UNC13B: variants seen among roughly 807,000 people sequenced by gnomAD.
UNC13B encodes the protein protein unc-13 homolog B.
In UNC13B, 144 loss-of-function variants were observed where a neutral mutation model predicts 211.0. The ratio of observed to expected loss-of-function variants is 0.68; its 90% CI spans 0.60 to 0.78. The LOEUF is 0.78. Among genes scored for constraint, UNC13B ranks in the 30% least tolerant of loss-of-function variants. UNC13B has a pLI of 0.00. For synonymous variants in UNC13B, 709 were observed against 725.8 expected (o/e 0.98, Z 0.37); for missense variants, 1,777 against 2,002.0 (o/e 0.89, Z 2.14).
At chr9:35,342,175 A>G (rs1832042503) in intron 11 of UNC13B, 17 of 985,544 alleles carry the variant, frequency 1.7e-5, no homozygotes, top group Non-Finnish European at 2.0e-5. Context: ...TTGGGCAAGC[A>G]GTGGTGCTTT....
At chr9:35,381,279 G>A (rs1241304614) in intron 19 of UNC13B, 64 bp downstream of exon 19, 33 of 1,420,198 alleles carry the variant, frequency 2.3e-5, no homozygotes, top group Non-Finnish European at 3.1e-5. Flanking sequence ...TTGGCCATAA[G>A]TAGGATTGCT....
intron 7 of UNC13B, among the ~76,000 whole-genome samples, chr9:35,262,239 T>G (rs1411757461): frequency 6.6e-6 from 1 of 151,984 alleles, no homozygotes; most frequent in Non-Finnish European, 1.5e-5. Context: ...TCTCTCTCCT[T>G]CCTTCTTTCC....
chr9:35,191,396 A>C (rs7021856), intron 1 of UNC13B, among the ~76,000 whole-genome samples: 22,178 of 152,194 alleles, frequency 0.15, 1,885 homozygotes, highest in Admixed American at 0.25. Flanking sequence ...CACTGGGCAT[A>C]GGCTGAACCA....
chr9:35,375,133 G>T lies in UNC13B; in HGVS notation c.9547G>T (p.Val3183Phe), dbSNP rs1834312872. Residue 3183 changes from valine to phenylalanine, a missense_variant, in exon 14 of 40, where the codon GTC becomes TTC. By Grantham distance (50) the Val-to-Phe change is conservative (BLOSUM62 -1). Transcript: ENST00000635942. ...AGCAGATCTTCCCTGACAGTCACTG[G>T]TCCAGTCTCGGAAGGCAGGAATCAC... is the stretch of plus-strand genomic sequence containing the variant. ...PLPLVSDLSL[V>F]QSRKAGITSA... The T allele has an allele frequency of 1.2e-6, 2 of 1,614,028 alleles. No homozygotes were observed. The highest frequency in any genetic ancestry group is 2.7e-5 in the African/African-American group (2 of 74,932).
At chr9:35,236,119 G>C (rs1825493664) in intron 3 of UNC13B, among the ~76,000 whole-genome samples, 1 of 152,002 alleles carries the variant, frequency 6.6e-6, no homozygotes, top group South Asian at 2.1e-4. Flanking sequence ...ACCTCTAAAA[G>C]TTTACTTGTG....
chr9:35,323,980 A>G (rs1205104457), intron 11 of UNC13B, among the ~76,000 whole-genome samples: 2 of 152,218 alleles, frequency 1.3e-5, no homozygotes, highest in Non-Finnish European at 1.5e-5. Flanking sequence ...ACATTTATTG[A>G]ATACTACTAT....
chr9:35,325,361 A>G (rs371001499), intron 11 of UNC13B, among the ~76,000 whole-genome samples: 1 of 152,004 alleles, frequency 6.6e-6, no homozygotes, highest in East Asian at 1.9e-4. Context: ...AATTTTTTTT[A>G]TTTCCAAATT....
chr9:35,396,649 G>C, intron 27 of UNC13B, 47 bp downstream of exon 27: 1 of 1,610,826 alleles, frequency 6.2e-7, no homozygotes, highest in Non-Finnish European at 8.5e-7. Flanking sequence ...CCCTCTGGGT[G>C]GGCAGGGCTA....
intron 6 of UNC13B, among the ~76,000 whole-genome samples, chr9:35,255,033 ATATAT>A (rs1229495544): frequency 4.3e-5 from 5 of 117,548 alleles, no homozygotes; most frequent in African/African-American, 1.7e-4. Context: ...ATATAATATA[ATATAT>A]ATTATATATA....
chr9:35,185,896 C>T lies in UNC13B; in HGVS notation c.22+23591C>T, dbSNP rs146740179. The stretch of plus-strand genomic sequence containing the variant: ...TCATGCCACTGCAGTCCAGCCTGGG[C>T]GACAGAGCGAGACTCTACCTCAAAA... On this transcript the variant is annotated intron_variant, in intron 1 of 39. Transcript: ENST00000635942. Among the ~76,000 whole-genome samples, 922 of 149,156 alleles carry T rather than the reference C, an allele frequency of 6.2e-3. 10 individuals are homozygous for T. The highest frequency in any genetic ancestry group is 0.021 in the African/African-American group (845 of 40,412).
At chr9:35,211,035 G>A (rs1823938976) in intron 1 of UNC13B, among the ~76,000 whole-genome samples, 2 of 152,172 alleles carry the variant, frequency 1.3e-5, no homozygotes, top group South Asian at 4.1e-4. Flanking sequence ...GTGCTTGGGA[G>A]AAGTTTTAAA....
At chr9:35,275,807 G>A (rs1482948365) in intron 7 of UNC13B, among the ~76,000 whole-genome samples, 2 of 152,008 alleles carry the variant, frequency 1.3e-5, no homozygotes, top group Non-Finnish European at 2.9e-5. Flanking sequence ...TGACTAGGCT[G>A]GTCTTGAACT....
At position 35,302,760 on chromosome 9, in the gene UNC13B, C is replaced by T. The variant is rs192941992; in HGVS notation, c.3356C>T (p.Thr1119Ile). 52 of 398,484 alleles carry T rather than the reference C, an allele frequency of 1.3e-4. No individual in the cohort carries two copies. In the Admixed American group the frequency reaches 2.2e-3, roughly 17 times the overall value. 24.7% of individuals were successfully genotyped at this position (398,484 alleles called of 1,614,324 possible). A position where few individuals can be genotyped will look rare whatever the true frequency, so the allele number is the denominator to read the frequency against. ...GACTCTTCATTAGAGTGTATTTCTA[C>T]CACTTCCAAATCCACTTTGGTTAAT... ...ASDSSLECISTTSKSTLVNEI... is the reference protein window; with the variant it reads ...ASDSSLECISITSKSTLVNEI... Residue 1119 changes from threonine to isoleucine, a missense_variant, in exon 9 of 40, where the codon ACC becomes ATC. Thr to Ile is a moderately conservative substitution (Grantham distance 89, BLOSUM62 -1). Transcript: ENST00000635942.
chr9:35,380,538 G>A lies in UNC13B; in HGVS notation c.10274G>A (p.Arg3425Lys). 6.2e-7 allele frequency: 1 copy of A among 1,614,244 alleles called. No individual in the cohort carries two copies. Among genetic ancestry groups the A allele is most frequent in the African/African-American group, 1.3e-5 (1 of 75,064 alleles). The change falls in exon 18 of 40, where the codon AGA (arginine) becomes AAA (lysine). Residue 3425 changes from arginine (R) to lysine (K), a missense_variant. Arg to Lys is a conservative substitution (Grantham distance 26). Transcript: ENST00000635942. ...GATGAGGATGATGACATCAAGTCAA[G>A]AGTAAAGCAACGCCTAAAGCGAGAG... ...VWDEDDDIKS[R>K]VKQRLKRESD...
chr9:35,302,271 A>G lies in UNC13B; in HGVS notation c.2867A>G (p.Asn956Ser). The G allele has an allele frequency of 2.5e-6, 1 of 398,658 alleles. No individual in the cohort carries two copies. Among genetic ancestry groups the G allele is most frequent in the Non-Finnish European group, 4.4e-6 (1 of 225,764 alleles). The allele number at this position is 398,658 out of a possible 1,614,324, so 24.7% of individuals were successfully genotyped here. A position where few individuals can be genotyped will look rare whatever the true frequency, so the allele number is the denominator to read the frequency against. The change falls in exon 9 of 40, where the codon AAT becomes AGT. Residue 956 changes from asparagine (N) to serine (S), a missense_variant. Asn to Ser is a conservative substitution (Grantham distance 46). Transcript: ENST00000635942. ...TEEFKKNDQI[N>S]CPEDAKLNSI... ...GAATTTAAAAAGAATGACCAGATAA[A>G]TTGTCCTGAAGATGCCAAACTTAAT...
intron 26 of UNC13B, 85 bp downstream of exon 26, chr9:35,390,799 C>T (rs1835485387): frequency 7.4e-7 from 1 of 1,342,444 alleles, no homozygotes; most frequent in Admixed American, 2.1e-5. Flanking sequence ...TAGACAACTA[C>T]AAGTTCTGGG....
chr9:35,334,402 A>G (rs1236032268), intron 11 of UNC13B, among the ~76,000 whole-genome samples: 2 of 152,234 alleles, frequency 1.3e-5, no homozygotes, highest in African/African-American at 2.4e-5. Flanking sequence ...CTCTTCTGCT[A>G]AAGACGTCTT....
chr9:35,193,938 G>A (rs973823610), intron 1 of UNC13B, among the ~76,000 whole-genome samples: 1 of 152,138 alleles, frequency 6.6e-6, no homozygotes, highest in Non-Finnish European at 1.5e-5. Context: ...ACCTTGAAAT[G>A]CCATGTGCTT....
At chr9:35,173,646 AC>A (rs1821452904) in intron 1 of UNC13B, among the ~76,000 whole-genome samples, 1 of 150,782 alleles carries the variant, frequency 6.6e-6, no homozygotes, top group East Asian at 2.0e-4. Flanking sequence ...CTGGTCTCAA[AC>A]TCTTGAGCTC....
Sources: allele counts gnomAD v4.1 joint callset (sites outside exome capture counted in the v4.1 genomes callset), GRCh38; gene constraint gnomAD v4.1.1; transcripts MANE v1.5; gene names NCBI Gene and HGNC (gene_info 2026-07-23, HGNC 2026-07-21).